The following MARCHF1 variants were observed in gnomAD, a reference collection of about 807,000 sequenced individuals.
MARCHF1 encodes membrane associated ring-CH-type finger 1.
MARCHF1 carries 40 observed loss-of-function variants against 54.2 expected under a neutral mutation model. The ratio of observed to expected loss-of-function variants is 0.74; its 90% CI spans 0.57 to 0.96. MARCHF1 has a LOEUF of 0.96. Among genes scored for constraint, MARCHF1 ranks in the 40% least tolerant of loss-of-function variants. MARCHF1 has a pLI of 0.00. For missense variants in MARCHF1, 586 were observed against 656.5 expected (o/e 0.89, Z 1.17); for synonymous variants, 236 against 236.3 (o/e 1.00, Z 0.01).
At chr4:163,583,673 A>G (rs1367885004) in intron 8 of MARCHF1, 1 of 47,596 alleles carries the variant, frequency 2.1e-5, no homozygotes, top group Admixed American at 2.1e-4. Context: ...TTTTGGAGAC[A>G]AAGTATGGCT....
At chr4:164,357,482 A>G (rs568303500) in intron 1 of MARCHF1, among the ~76,000 whole-genome samples, 2 of 152,282 alleles carry the variant, frequency 1.3e-5, no homozygotes, top group East Asian at 3.9e-4. Flanking sequence ...TAATTTAATC[A>G]TATCTGCAAA....
intron 1 of MARCHF1, among the ~76,000 whole-genome samples, chr4:164,337,830 G>GA (rs567825715): frequency 1.3e-5 from 2 of 150,980 alleles, no homozygotes; most frequent in African/African-American, 2.4e-5. Flanking sequence ...CACCCTGGGG[G>GA]AAAAAAAAAT....
intron 1 of MARCHF1, among the ~76,000 whole-genome samples, chr4:164,344,851 T>C (rs77132486): frequency 0.014 from 2,061 of 152,266 alleles, 50 homozygotes; most frequent in African/African-American, 0.046. Flanking sequence ...TTAAAGAAAC[T>C]GAAGATTAGA....
intron 1 of MARCHF1, among the ~76,000 whole-genome samples, chr4:164,261,296 A>T (rs1347134201): frequency 6.6e-6 from 1 of 152,124 alleles, no homozygotes; most frequent in African/African-American, 2.4e-5. Flanking sequence ...ATAATTCATT[A>T]TATAATCTGC....
At chr4:163,858,202 A>G (rs540779008) in intron 3 of MARCHF1, among the ~76,000 whole-genome samples, 1 of 152,068 alleles carries the variant, frequency 6.6e-6, no homozygotes, top group Non-Finnish European at 1.5e-5. Flanking sequence ...TACGCCTAGA[A>G]CTGTGCAACC....
At chr4:164,186,908 T>C (rs1222503123) in intron 1 of MARCHF1, among the ~76,000 whole-genome samples, 1 of 152,216 alleles carries the variant, frequency 6.6e-6, no homozygotes, top group Non-Finnish European at 1.5e-5. Context: ...AGCAAGGATG[T>C]CTAAGGTGTC....
At chr4:163,704,265 A>T (rs1744889258) in intron 4 of MARCHF1, among the ~76,000 whole-genome samples, 1 of 151,828 alleles carries the variant, frequency 6.6e-6, no homozygotes, top group Non-Finnish European at 1.5e-5. Flanking sequence ...GGTAATTTGG[A>T]GGGTCATCTG....
At position 163,804,772 on chromosome 4, in the gene MARCHF1, T is replaced by G. The variant is rs116487239; in HGVS notation, c.111+49249A>C. On this transcript the variant is annotated intron_variant, in intron 4 of 9. Transcript: ENST00000514618. ...AGTGGGTGCATTAAAACCATAAAACTGTAGAAATGACTTCACTTGCACCTC... is the reference window on the plus strand; with the variant it reads ...AGTGGGTGCATTAAAACCATAAAACGGTAGAAATGACTTCACTTGCACCTC... Among the ~76,000 whole-genome samples the G allele has an allele frequency of 3.1e-3, 465 of 152,258 alleles. 2 individuals carry two copies. The highest frequency in any genetic ancestry group is 0.011 in the African/African-American group (442 of 41,560).
chr4:163,549,496 C>T (rs1179557876), intron 8 of MARCHF1, among the ~76,000 whole-genome samples: 1 of 152,034 alleles, frequency 6.6e-6, no homozygotes, highest in African/African-American at 2.4e-5. Flanking sequence ...CACTGCCGAC[C>T]CTCTGATCTG....
chr4:164,324,216 C>T (rs1735215266), intron 1 of MARCHF1, among the ~76,000 whole-genome samples: 1 of 151,732 alleles, frequency 6.6e-6, no homozygotes, highest in South Asian at 2.1e-4. Context: ...GTAGGAAAGG[C>T]ATTTGACACA....
intron 2 of MARCHF1, among the ~76,000 whole-genome samples, chr4:164,077,584 T>C (rs1315722200): frequency 4.6e-5 from 7 of 151,886 alleles, no homozygotes; most frequent in African/African-American, 1.7e-4. Flanking sequence ...AGCATCAGAG[T>C]GAACAGGCAA....
At chr4:163,534,261 T>C (rs1197495006) in intron 9 of MARCHF1, among the ~76,000 whole-genome samples, 2 of 152,098 alleles carry the variant, frequency 1.3e-5, no homozygotes, top group African/African-American at 4.8e-5. Flanking sequence ...GATAGCTTCA[T>C]GGTTCCTAAC....
chr4:163,529,924 C>CGTAA (rs1738289550), intron 9 of MARCHF1: 1 of 151,776 alleles, frequency 6.6e-6, no homozygotes, highest in South Asian at 2.1e-4. Context: ...GCTGTCTTCC[C>CGTAA]GTAAGTGAAA....
intron 1 of MARCHF1, among the ~76,000 whole-genome samples, chr4:164,165,251 G>C (rs1730341743): frequency 6.6e-6 from 1 of 152,038 alleles, no homozygotes; most frequent in African/African-American, 2.4e-5. Context: ...TATATTTGGA[G>C]ATAGGGCCTT....
intron 2 of MARCHF1, among the ~76,000 whole-genome samples, chr4:163,997,561 T>A (rs1753101313): frequency 6.6e-6 from 1 of 152,050 alleles, no homozygotes; most frequent in Non-Finnish European, 1.5e-5. Context: ...CTGGGTTCAA[T>A]AATTTCTGAA....
intron 8 of MARCHF1, among the ~76,000 whole-genome samples, chr4:163,552,484 G>A (rs1739138133): frequency 6.6e-6 from 1 of 152,178 alleles, no homozygotes; most frequent in Admixed American, 6.5e-5. Context: ...TCCACAAAGA[G>A]GCATATCTAA....
intron 1 of MARCHF1, among the ~76,000 whole-genome samples, chr4:164,187,131 T>C (rs1232289446): frequency 1.3e-5 from 2 of 151,982 alleles, no homozygotes; most frequent in East Asian, 1.9e-4. Flanking sequence ...GTTAGGGAGA[T>C]AGTCTCCAAG....
At position 163,539,311 on chromosome 4, in the gene MARCHF1, A is replaced by T. The variant is rs1302505363; in HGVS notation, c.1339+6285T>A. Reference sequence around the variant, plus strand: ...GCTGGGATTACAGGCTTAAACCAACACACCCAGCCTGGGATGGTTTTTATA... The same window carrying T: ...GCTGGGATTACAGGCTTAAACCAACTCACCCAGCCTGGGATGGTTTTTATA... On this transcript the variant is annotated intron_variant, in intron 9 of 9. Coordinates refer to ENST00000514618, the MANE Select transcript of MARCHF1 (RefSeq NM_001394959.1). Among the ~76,000 whole-genome samples the T allele has an allele frequency of 2.6e-5, 4 of 152,270 alleles. No homozygotes were observed. The East Asian group carries it at 5.8e-4, about 22-fold the overall frequency.
chr4:164,340,405 T>TTATATATATATATATA lies in MARCHF1; in HGVS notation c.-323+43464_-323+43465insTATATATATATATATA, dbSNP rs1554002572. 6.7e-4 allele frequency among the ~76,000 whole-genome samples: 64 copies of TTATATATATATATATA among 95,598 alleles called. 3 individuals carry two copies. The highest frequency in any genetic ancestry group is 4.8e-3 in the Middle Eastern group (1 of 208). 62.7% of individuals were successfully genotyped at this position (95,598 alleles called of 152,430 possible). A position where few individuals can be genotyped will look rare whatever the true frequency, so the allele number is the denominator to read the frequency against. Reference sequence around the variant, plus strand: ...ACAGCACATGCCACCAGGCCTTGATTTATATATAGATATATATATATATAT... The same window carrying TTATATATATATATATA: ...ACAGCACATGCCACCAGGCCTTGATTTATATATATATATATATATATATAGATATATATATATATAT... On this transcript the variant is annotated intron_variant, in intron 1 of 9. Coordinates refer to ENST00000514618, the MANE Select transcript of MARCHF1 (RefSeq NM_001394959.1).
Sources: allele counts gnomAD v4.1 joint callset (sites outside exome capture counted in the v4.1 genomes callset), GRCh38; gene constraint gnomAD v4.1.1; transcripts MANE v1.5; gene names NCBI Gene and HGNC (gene_info 2026-07-23, HGNC 2026-07-21).